METTL15: variants seen among roughly 807,000 people sequenced by gnomAD.
METTL15 encodes the protein 12S rRNA N(4)-cytidine methyltransferase METTL15.
METTL15 carries 34 observed loss-of-function variants against 38.3 expected under a neutral mutation model. The observed-to-expected ratio is 0.89, with a 90% confidence interval of 0.68 to 1.18. The LOEUF is 1.18. Ranked by LOEUF, METTL15 falls within the 50% of genes most tolerant of loss-of-function variation. The pLI, the probability that METTL15 is intolerant of heterozygous loss-of-function variation, is 0.00. For missense variants in METTL15, 438 were observed against 498.4 expected, an observed-to-expected ratio of 0.88 and a Z score of 1.15; for synonymous variants, 162 against 170.9, an observed-to-expected ratio of 0.95 and a Z score of 0.41.
Position 28,360,136 on chromosome 11 carries a change from G to C in METTL15, c.*259-1801G>C, listed in dbSNP as rs375011747. ...ATGATCAGGCTTCTTTAAAATCTCT[G>C]GGGATACAGACACTATAACATTCCT... is the stretch of plus-strand genomic sequence containing the variant. On this transcript the variant is annotated intron_variant and NMD_transcript_variant, in intron 4 of 7. Transcript: ENST00000532947. 7.2e-5 allele frequency among the ~76,000 whole-genome samples: 11 copies of C among 152,286 alleles called. No homozygotes were observed. In the East Asian group the frequency reaches 1.2e-3, roughly 16 times the overall value.
At chr11:28,258,215 C>A (rs1309932608) in intron 4 of METTL15, among the ~76,000 whole-genome samples, 2 of 152,174 alleles carry the variant, frequency 1.3e-5, no homozygotes, top group East Asian at 3.9e-4. Context: ...CCTTCCCTTA[C>A]TTTCTTCTAA....
At chr11:28,264,743 G>C (rs1855344679) in intron 4 of METTL15, among the ~76,000 whole-genome samples, 1 of 152,056 alleles carries the variant, frequency 6.6e-6, no homozygotes, top group Admixed American at 6.6e-5. Context: ...TTTCTGAATA[G>C]AGTTGGTTCT....
chr11:28,115,018 T>C (rs983459649), intron 3 of METTL15, among the ~76,000 whole-genome samples: 2 of 152,158 alleles, frequency 1.3e-5, no homozygotes, highest in Non-Finnish European at 2.9e-5. Context: ...GAATCTGAAT[T>C]CCTTTTCCTG....
chr11:28,132,585 G>A (rs17244338), intron 3 of METTL15, among the ~76,000 whole-genome samples: 23,257 of 151,878 alleles, frequency 0.15, 1,933 homozygotes, highest in East Asian at 0.28. Context: ...TTTGTCTTGC[G>A]GAGGGTTTCT....
At chr11:28,495,648 A>G (rs960757701) in intron 6 of METTL15, among the ~76,000 whole-genome samples, 1 of 152,210 alleles carries the variant, frequency 6.6e-6, no homozygotes, top group African/African-American at 2.4e-5. Context: ...AAACAAATCC[A>G]TGGGAAAAAT....
chr11:28,155,262 G>A (rs1331970285), intron 3 of METTL15, among the ~76,000 whole-genome samples: 2 of 152,090 alleles, frequency 1.3e-5, no homozygotes, highest in Non-Finnish European at 2.9e-5. Flanking sequence ...TAGGAATATG[G>A]CATTGGTTCT....
intron 4 of METTL15, among the ~76,000 whole-genome samples, chr11:28,234,736 T>G (rs1450202176): frequency 7.1e-6 from 1 of 141,672 alleles, no homozygotes; most frequent in Non-Finnish European, 1.5e-5. Flanking sequence ...TTGCAAAAAT[T>G]TTCTCCCATT....
intron 4 of METTL15, among the ~76,000 whole-genome samples, chr11:28,356,949 TC>T (rs1019858874): frequency 5.9e-5 from 9 of 152,124 alleles, no homozygotes; most frequent in African/African-American, 2.2e-4. Flanking sequence ...TGTGCTGGCC[TC>T]AGGACTCATT....
At chr11:28,127,462 A>G (rs548526021) in intron 3 of METTL15, among the ~76,000 whole-genome samples, 90 of 152,286 alleles carry the variant, frequency 5.9e-4, no homozygotes, top group African/African-American at 2.1e-3. Flanking sequence ...GACTTGAAGA[A>G]AAAGATTGTT....
chr11:28,429,415 G>C (rs1426268742), intron 6 of METTL15, among the ~76,000 whole-genome samples: 2 of 91,836 alleles, frequency 2.2e-5, no homozygotes, highest in Non-Finnish European at 4.0e-5. Context: ...CCTCTCATGC[G>C]GAGCCGAAGC....
chr11:28,504,971 A>C (rs1851615840), intron 6 of METTL15, among the ~76,000 whole-genome samples: 1 of 152,172 alleles, frequency 6.6e-6, no homozygotes, highest in Non-Finnish European at 1.5e-5. Context: ...CCACCAGACT[A>C]AGCAGCCCTG....
chr11:28,122,218 G>T, intron 3 of METTL15: 1 of 1,202,698 alleles, frequency 8.3e-7, no homozygotes. Context: ...AATGTTTATG[G>T]ATTATATTTT....
chr11:28,140,987 T>C (rs1701711514), intron 3 of METTL15, among the ~76,000 whole-genome samples: 1 of 152,188 alleles, frequency 6.6e-6, no homozygotes, highest in Non-Finnish European at 1.5e-5. Context: ...CTTTCATTAT[T>C]ATAGCCAAAT....
At chr11:28,395,777 G>A (rs1850561513) in intron 5 of METTL15, among the ~76,000 whole-genome samples, 1 of 152,022 alleles carries the variant, frequency 6.6e-6, no homozygotes, top group South Asian at 2.1e-4. Context: ...ACCAAAGCCG[G>A]GCAGAGACAC....
At chr11:28,384,403 G>T (rs990351909) in intron 5 of METTL15, among the ~76,000 whole-genome samples, 1 of 151,822 alleles carries the variant, frequency 6.6e-6, no homozygotes, top group Admixed American at 6.6e-5. Flanking sequence ...CTGCCTCCCA[G>T]GTTCAAGCGA....
chr11:28,110,718 C>T (rs1851683318), intron 2 of METTL15, among the ~76,000 whole-genome samples: 1 of 152,152 alleles, frequency 6.6e-6, no homozygotes, highest in Non-Finnish European at 1.5e-5. Context: ...ATTTCCCTGC[C>T]AGACAAAATT....
intron 5 of METTL15, among the ~76,000 whole-genome samples, chr11:28,395,929 A>T (rs1197205776): frequency 6.6e-6 from 1 of 152,144 alleles, no homozygotes; most frequent in Non-Finnish European, 1.5e-5. Flanking sequence ...CTGGGATGCA[A>T]GGCTGGTTCA....
chr11:28,437,631 A>G (rs1850994933), intron 6 of METTL15, among the ~76,000 whole-genome samples: 1 of 152,156 alleles, frequency 6.6e-6, no homozygotes, highest in African/African-American at 2.4e-5. Flanking sequence ...ATTTGCCTCA[A>G]TTTACAGTTT....
chr11:28,143,576 T>G (rs143730915), intron 3 of METTL15, among the ~76,000 whole-genome samples: 5 of 152,306 alleles, frequency 3.3e-5, no homozygotes, highest in Non-Finnish European at 7.4e-5. Flanking sequence ...ATGTAACGGT[T>G]CCTATTTTGA....
Sources: allele counts gnomAD v4.1 joint callset (sites outside exome capture counted in the v4.1 genomes callset), GRCh38; gene constraint gnomAD v4.1.1; transcripts MANE v1.5; gene names NCBI Gene and HGNC (gene_info 2026-07-23, HGNC 2026-07-21).